TRAPPC12: variants seen among roughly 807,000 people sequenced by gnomAD.
The protein encoded by TRAPPC12 is TPR repeat protein 15.
A neutral mutation model predicts 69.2 loss-of-function variants in TRAPPC12; 61 were observed. The observed-to-expected ratio is 0.88, with a 90% CI of 0.72 to 1.09. The LOEUF (loss-of-function observed/expected upper bound fraction) is 1.09. TRAPPC12 is among the 50% of genes least tolerant of loss of function. TRAPPC12 has a pLI of 0.00. For missense variants in TRAPPC12, 1,101 were observed against 1,016.4 expected (o/e 1.08, Z -1.13); for synonymous variants, 469 against 438.9 (o/e 1.07, Z -0.86).
At position 3,379,863 on chromosome 2, in the gene TRAPPC12, T is replaced by G. The variant is rs1660121912; in HGVS notation, c.-18T>G. The stretch of plus-strand genomic sequence containing the variant: ...AGGTGACCCCTTAGCCCAGCTCCAG[T>G]GGGCGGGTGGCAGGTGAGGATCAGG... On this transcript the variant is annotated 5_prime_UTR_variant, in exon 1 of 12. Coordinates refer to ENST00000324266, the MANE Select transcript of TRAPPC12 (RefSeq NM_016030.6). The G allele has an allele frequency of 6.6e-6, 1 of 152,358 alleles. No homozygotes were observed. The highest frequency in any genetic ancestry group is 1.5e-5 in the Non-Finnish European group (1 of 68,216). The allele number at this position is 152,358 out of a possible 1,614,324, so 9.4% of individuals were successfully genotyped here.
At chr2:3,468,683 G>A (rs1307700522) in intron 9 of TRAPPC12, among the ~76,000 whole-genome samples, 2 of 152,182 alleles carry the variant, frequency 1.3e-5, no homozygotes, top group African/African-American at 4.8e-5. Context: ...CCCACGGCGG[G>A]GCAGCCACCC....
At chr2:3,422,067 C>T in intron 4 of TRAPPC12, 73 bp downstream of exon 4, 1 of 1,135,400 alleles carries the variant, frequency 8.8e-7, no homozygotes, top group Non-Finnish European at 1.3e-6. Context: ...GGACCATGGC[C>T]TTTCATGCCA....
chr2:3,455,335 C>T (rs563503774), intron 6 of TRAPPC12: 6 of 152,236 alleles, frequency 3.9e-5, no homozygotes, highest in African/African-American at 1.4e-4. Context: ...ATGGAGTATC[C>T]ATCCCCTCAA....
intron 5 of TRAPPC12, 94 bp from the exon 6 acceptor site, chr2:3,443,685 C>A: frequency 1.1e-6 from 1 of 875,468 alleles, no homozygotes. Flanking sequence ...ATCACTTCTG[C>A]TGGGACATCT....
At chr2:3,448,063 C>T in intron 6 of TRAPPC12, among the ~76,000 whole-genome samples, 1 of 152,216 alleles carries the variant, frequency 6.6e-6, no homozygotes, top group East Asian at 1.9e-4. Context: ...CACGTGTTAA[C>T]GCTGCATGGA....
intron 5 of TRAPPC12, among the ~76,000 whole-genome samples, chr2:3,428,031 G>A (rs574450736): frequency 1.3e-5 from 2 of 152,328 alleles, no homozygotes; most frequent in East Asian, 3.9e-4. Context: ...TCTCTAAGGA[G>A]AGGATTTTGA....
At chr2:3,410,641 G>C (rs998009569) in intron 3 of TRAPPC12, among the ~76,000 whole-genome samples, 1 of 152,146 alleles carries the variant, frequency 6.6e-6, no homozygotes, top group East Asian at 1.9e-4. Context: ...TGTCTTACTT[G>C]TTTAAAAAAT....
At chr2:3,449,754 G>C (rs1204157305) in intron 6 of TRAPPC12, among the ~76,000 whole-genome samples, 2 of 152,212 alleles carry the variant, frequency 1.3e-5, no homozygotes, top group African/African-American at 2.4e-5. Context: ...CACACCGACA[G>C]TGGCCAGTTA....
intron 4 of TRAPPC12, 53 bp downstream of exon 4, chr2:3,422,047 G>A (rs1354833642): frequency 6.4e-6 from 9 of 1,398,908 alleles, no homozygotes; most frequent in Non-Finnish European, 9.0e-6. Flanking sequence ...ACAGTCTGGG[G>A]ACATGGACAG....
At chr2:3,431,404 G>A (rs746723294) in intron 5 of TRAPPC12, among the ~76,000 whole-genome samples, 1 of 152,272 alleles carries the variant, frequency 6.6e-6, no homozygotes, top group South Asian at 2.1e-4. Context: ...GGTCGCCGTC[G>A]CCATGGATGC....
intron 5 of TRAPPC12, among the ~76,000 whole-genome samples, chr2:3,428,712 C>T (rs954133380): frequency 1.3e-5 from 2 of 152,164 alleles, no homozygotes; most frequent in Non-Finnish European, 2.9e-5. Context: ...CTGACCCTGG[C>T]GCTGTGTCTT....
chr2:3,389,383 G>A (rs541634593), intron 2 of TRAPPC12, among the ~76,000 whole-genome samples: 1 of 152,322 alleles, frequency 6.6e-6, no homozygotes, highest in African/African-American at 2.4e-5. Flanking sequence ...TAGGGGTCCG[G>A]GGGCTGCTCC....
At chr2:3,466,256 G>A (rs1023021858) in intron 9 of TRAPPC12, 5 of 471,002 alleles carry the variant, frequency 1.1e-5, no homozygotes, top group African/African-American at 4.0e-5. Flanking sequence ...CCTTGCAGGC[G>A]GAGCACAGGG....
intron 3 of TRAPPC12, among the ~76,000 whole-genome samples, chr2:3,404,449 A>C (rs1661617131): frequency 6.6e-6 from 1 of 152,138 alleles, no homozygotes; most frequent in Non-Finnish European, 1.5e-5. Flanking sequence ...TTCCCAAAAA[A>C]ATCTTTTTTT....
At chr2:3,459,545 A>G (rs1453966634) in intron 7 of TRAPPC12, among the ~76,000 whole-genome samples, 1 of 152,138 alleles carries the variant, frequency 6.6e-6, no homozygotes, top group African/African-American at 2.4e-5. Flanking sequence ...ACTAGAAGAG[A>G]TGGGCCCTGA....
intron 3 of TRAPPC12, among the ~76,000 whole-genome samples, chr2:3,406,557 G>A (rs1661744409): frequency 6.6e-6 from 1 of 152,230 alleles, no homozygotes; most frequent in Admixed American, 6.5e-5. Flanking sequence ...GAGAGATGGA[G>A]ATACTCTTTT....
intron 3 of TRAPPC12, among the ~76,000 whole-genome samples, chr2:3,410,226 C>T (rs1661986185): frequency 6.6e-6 from 1 of 152,180 alleles, no homozygotes; most frequent in Non-Finnish European, 1.5e-5. Context: ...AGCAATTATC[C>T]AAGTAAATCT....
At chr2:3,458,775 G>A (rs1665319767) in intron 7 of TRAPPC12, among the ~76,000 whole-genome samples, 1 of 152,176 alleles carries the variant, frequency 6.6e-6, no homozygotes, top group South Asian at 2.1e-4. Context: ...GCAGAAGGCT[G>A]TTCCTGGAAA....
intron 5 of TRAPPC12, among the ~76,000 whole-genome samples, chr2:3,432,213 A>C (rs1405859455): frequency 6.6e-6 from 1 of 152,204 alleles, no homozygotes; most frequent in African/African-American, 2.4e-5. Flanking sequence ...AAGTTACAAG[A>C]GCTGTAATGA....
Sources: gnomAD v4.1 joint callset for allele counts (sites outside exome capture counted in the v4.1 genomes callset) on GRCh38, gnomAD v4.1.1 for gene constraint, MANE v1.5 for transcripts, NCBI Gene and HGNC (gene_info 2026-07-23, HGNC 2026-07-21) for gene names.